The following CYTH3 variants were observed in gnomAD, a reference collection of about 807,000 sequenced individuals.
CYTH3 encodes cytohesin-3.
CYTH3 carries 23 observed loss-of-function variants against 55.1 expected under a neutral mutation model. The ratio of observed to expected loss-of-function variants is 0.42; its 90% CI spans 0.30 to 0.59. The LOEUF is 0.59. Among genes scored for constraint, CYTH3 ranks in the 20% least tolerant of loss-of-function variants. CYTH3 has a pLI of 0.20. For synonymous variants in CYTH3, 249 were observed against 194.9 expected, an observed-to-expected ratio of 1.28 and a Z score of -2.31; for missense variants, 413 against 524.8, an observed-to-expected ratio of 0.79 and a Z score of 2.08.
At chr7:6,232,082 C>G (rs1779402637) in intron 1 of CYTH3, among the ~76,000 whole-genome samples, 1 of 152,204 alleles carries the variant, frequency 6.6e-6, no homozygotes, top group African/African-American at 2.4e-5. Flanking sequence ...CACCAAGATG[C>G]ACCTTTTTTT....
At chr7:6,200,412 T>G (rs1403817936) in intron 1 of CYTH3, among the ~76,000 whole-genome samples, 1 of 152,200 alleles carries the variant, frequency 6.6e-6, no homozygotes, top group East Asian at 1.9e-4. Context: ...CTCACTATGT[T>G]TTAGTCACTG....
rs117434362 is a variant in CYTH3, at chr7:6,168,056, G to A, written c.824-2246C>T. ...TCTGGCCACACCACACAGCATTCTC[G>A]CCTGCAGACAAGAGCCTGGCTTCTG... On this transcript the variant is annotated intron_variant, in intron 9 of 12. Coordinates refer to ENST00000350796, the MANE Select transcript of CYTH3 (RefSeq NM_004227.4). 2.2e-3 allele frequency among the ~76,000 whole-genome samples: 332 copies of A among 152,186 alleles called. 8 individuals carry two copies. The East Asian group carries it at 0.053, about 24-fold the overall frequency.
Position 6,170,581 on chromosome 7 carries a change from G to C in CYTH3, c.777C>G (p.Thr259=), listed in dbSNP as rs146791848. 27 of 1,613,894 alleles carry C rather than the reference G, an allele frequency of 1.7e-5. No homozygotes were observed. Among genetic ancestry groups the C allele is most frequent in the South Asian group, 8.8e-5 (8 of 91,078 alleles). ...CGCGGTCGGGGTTGAAGAAGGTGTG[G>C]GTCAGGTCGTTCCCGTCGTCCTCCG... The part of the protein sequence containing the change: ...KIPEDDGNDL[T]HTFFNPDREG... The change falls in exon 9 of 13, where the codon ACC becomes ACG. Residue 259 remains threonine, a synonymous_variant. Coordinates refer to ENST00000350796, the MANE Select transcript of CYTH3 (RefSeq NM_004227.4). This position sits in a 1 kb window ranked among gnomAD's most constrained non-coding sequence, Gnocchi z 7.8.
intron 1 of CYTH3, among the ~76,000 whole-genome samples, chr7:6,194,136 C>T (rs1011809818): frequency 2.0e-5 from 3 of 152,178 alleles, no homozygotes; most frequent in Non-Finnish European, 2.9e-5. Flanking sequence ...AAGCCTCTGA[C>T]ATGCAAAACA....
chr7:6,202,857 A>G (rs929604461), intron 1 of CYTH3, among the ~76,000 whole-genome samples: 1 of 152,240 alleles, frequency 6.6e-6, no homozygotes, highest in African/African-American at 2.4e-5. Context: ...AAAAAGGAGT[A>G]AAGTTTTAAA....
intron 1 of CYTH3, among the ~76,000 whole-genome samples, chr7:6,191,126 G>A (rs1293536616): frequency 1.3e-5 from 2 of 150,830 alleles, no homozygotes; most frequent in African/African-American, 2.4e-5. Flanking sequence ...CAATATGGAT[G>A]AGTCTCACAA....
In CYTH3 at chr7:6,171,611, C is replaced by T; in HGVS notation, c.450-297G>A. On this transcript the variant is annotated intron_variant, in intron 6 of 12. Coordinates refer to ENST00000350796, the MANE Select transcript of CYTH3 (RefSeq NM_004227.4). This position sits in a 1 kb window ranked among gnomAD's most constrained non-coding sequence, Gnocchi z 6.7. ...ATCCAGGATCCTGGCACTTCTCTGT[C>T]CCCATTGCCACCATCTCCTGCTGCT... The T allele has an allele frequency of 6.0e-6, 2 of 334,322 alleles. No homozygotes were observed. Among genetic ancestry groups the T allele is most frequent in the Non-Finnish European group, 1.2e-5 (2 of 170,864 alleles). The allele number at this position is 334,322 out of a possible 1,614,324, so 20.7% of individuals were successfully genotyped here.
intron 1 of CYTH3, among the ~76,000 whole-genome samples, chr7:6,191,951 T>TGC (rs1419649513): frequency 6.6e-6 from 1 of 151,774 alleles, no homozygotes; most frequent in African/African-American, 2.4e-5. Flanking sequence ...TGGTGGTGCA[T>TGC]GCCTGTGGGC....
Position 6,167,336 on chromosome 7 carries a change from A to G in CYTH3, c.824-1526T>C, listed in dbSNP as rs1443481085. 6.6e-6 allele frequency among the ~76,000 whole-genome samples: 1 copy of G among 151,920 alleles called. No individual in the cohort carries two copies. The highest frequency in any genetic ancestry group is 2.4e-5 in the African/African-American group (1 of 41,354). On this transcript the variant is annotated intron_variant, in intron 9 of 12. Coordinates refer to ENST00000350796, the MANE Select transcript of CYTH3 (RefSeq NM_004227.4). The surrounding 1 kb of genome is among the most constrained non-coding windows in gnomAD (Gnocchi z 5.5). Reference sequence around the variant, plus strand: ...TCCAGTGAGCAGTGAGAGGTGTTCTATGTCCCCGAGACCCTAGGGACAGGA... The same window carrying G: ...TCCAGTGAGCAGTGAGAGGTGTTCTGTGTCCCCGAGACCCTAGGGACAGGA...
chr7:6,216,515 G>A (rs886491016), intron 1 of CYTH3, among the ~76,000 whole-genome samples: 1 of 151,888 alleles, frequency 6.6e-6, no homozygotes, highest in Non-Finnish European at 1.5e-5. Context: ...GAGGTGGGTG[G>A]ATTACCTGAG....
At chr7:6,178,752 A>G (rs1783407982) in intron 4 of CYTH3, among the ~76,000 whole-genome samples, 1 of 152,202 alleles carries the variant, frequency 6.6e-6, no homozygotes, top group Non-Finnish European at 1.5e-5. Flanking sequence ...TGTGCCACCA[A>G]GCTCATCCAG....
chr7:6,201,574 C>T (rs1050912290), intron 1 of CYTH3, among the ~76,000 whole-genome samples: 1 of 152,120 alleles, frequency 6.6e-6, no homozygotes. Flanking sequence ...GGATCCAGTA[C>T]AGGAGGTGTG....
At chr7:6,240,684 C>T (rs1779650820) in intron 1 of CYTH3, among the ~76,000 whole-genome samples, 1 of 150,260 alleles carries the variant, frequency 6.7e-6, no homozygotes, top group Non-Finnish European at 1.5e-5. Context: ...TCAGAATAAA[C>T]TCCAAACAAT....
chr7:6,167,292 C>A lies in CYTH3; in HGVS notation c.824-1482G>T, dbSNP rs1783038414. Among the ~76,000 whole-genome samples, 1 of 152,238 alleles carries A rather than the reference C, an allele frequency of 6.6e-6. No homozygotes were observed. The highest frequency in any genetic ancestry group is 2.4e-5 in the African/African-American group (1 of 41,470). On this transcript the variant is annotated intron_variant, in intron 9 of 12. Coordinates refer to ENST00000350796, the MANE Select transcript of CYTH3 (RefSeq NM_004227.4). This position sits in a 1 kb window ranked among gnomAD's most constrained non-coding sequence, Gnocchi z 5.5. ...GAGGGCAGGAGACCCTGGGGGCAAC[C>A]TGCCTTGTCCCACAGTCCTCCAGTG...
rs1782942649 is a variant in CYTH3 at position 6,164,897 on chromosome 7, T to C, written c.*47A>G. 1 of 1,611,344 alleles carries C rather than the reference T, an allele frequency of 6.2e-7. No individual in the cohort carries two copies. Among genetic ancestry groups the C allele is most frequent in the African/African-American group, 1.3e-5 (1 of 74,976 alleles). On this transcript the variant is annotated 3_prime_UTR_variant, in exon 13 of 13. Coordinates refer to ENST00000350796, the MANE Select transcript of CYTH3 (RefSeq NM_004227.4). ...CCGCGGAGGGGCCGCCCGCGGTGTC[T>C]TTCTGCTGGGGTTGGGTCTTTTACC...
At chr7:6,173,771 A>G (rs1783263386) in intron 5 of CYTH3, 38 bp from the exon 6 acceptor site, 2 of 1,190,396 alleles carry the variant, frequency 1.7e-6, no homozygotes, top group East Asian at 2.3e-5. Context: ...CCTAATGTAC[A>G]TTATCGCAAT....
At chr7:6,228,929 A>G (rs943152825) in intron 1 of CYTH3, among the ~76,000 whole-genome samples, 4 of 152,338 alleles carry the variant, frequency 2.6e-5, no homozygotes, top group Non-Finnish European at 4.4e-5. Context: ...CAAGGAAAAC[A>G]TAAGACACTG....
intron 1 of CYTH3, among the ~76,000 whole-genome samples, chr7:6,206,502 T>A (rs536949941): frequency 1.3e-5 from 2 of 152,260 alleles, no homozygotes; most frequent in Non-Finnish European, 2.9e-5. Context: ...CCTCCTGTGA[T>A]GTTGCACATG....
Position 6,164,875 on chromosome 7 carries a change from C to G in CYTH3, c.*69G>C. On this transcript the variant is annotated 3_prime_UTR_variant, in exon 13 of 13. Coordinates refer to ENST00000350796, the MANE Select transcript of CYTH3 (RefSeq NM_004227.4). ...GACTGCCTCCCTGCCACGCCTTCCG[C>G]GGAGGGGCCGCCCGCGGTGTCTTTC... 1 of 1,579,510 alleles carries G rather than the reference C, an allele frequency of 6.3e-7. No individual in the cohort carries two copies. Among genetic ancestry groups the G allele is most frequent in the Non-Finnish European group, 8.7e-7 (1 of 1,149,566 alleles).
Sources: gnomAD v4.1 joint callset for allele counts (sites outside exome capture counted in the v4.1 genomes callset) on GRCh38, gnomAD v4.1.1 for gene constraint, Gnocchi (gnomAD v3.1) non-coding constraint, MANE v1.5 for transcripts, NCBI Gene and HGNC (gene_info 2026-07-23, HGNC 2026-07-21) for gene names.